MGAT5: variants seen among roughly 807,000 people sequenced by gnomAD.
MGAT5 encodes alpha-1,6-mannosylglycoprotein 6-beta-N-acetylglucosaminyltransferase.
In MGAT5, 30 loss-of-function variants were observed where a neutral mutation model predicts 94.3. The ratio of observed to expected loss-of-function variants is 0.32; its 90% confidence interval spans 0.24 to 0.43. The LOEUF (loss-of-function observed/expected upper bound fraction) is 0.43. MGAT5 is among the 20% of genes least tolerant of loss of function. MGAT5 has a pLI of 1.00. For missense variants in MGAT5, 691 were observed against 905.5 expected (o/e 0.76, Z 3.04); for synonymous variants, 310 against 322.9 (o/e 0.96, Z 0.43).
intron 1 of MGAT5, among the ~76,000 whole-genome samples, chr2:134,137,656 C>T (rs764992065): frequency 3.8e-4 from 58 of 152,006 alleles, no homozygotes; most frequent in Non-Finnish European, 7.1e-4. Flanking sequence ...CTCGGATAAC[C>T]ATATGAAAAG....
At chr2:134,283,786 G>C (rs1684848697) in intron 2 of MGAT5, among the ~76,000 whole-genome samples, 1 of 151,192 alleles carries the variant, frequency 6.6e-6, no homozygotes, top group Admixed American at 6.6e-5. Context: ...GACTTAAGCT[G>C]GGTCCTGTTC....
chr2:134,254,634 G>T lies in MGAT5; in HGVS notation c.231G>T (p.Met77Ile), dbSNP rs1682817997. Residue 77 changes from methionine (M) to isoleucine (I), a missense_variant, in exon 1 of 16, where the codon ATG becomes ATT. Transcript: ENST00000281923. ...NVVDGPYAGV[M>I]TAYDLKKTLA... Reference sequence around the variant, plus strand: ...TGGATGGGCCATACGCTGGAGTCATGACAGCTTATGGTAAGCACTGTTTCT... The same window carrying T: ...TGGATGGGCCATACGCTGGAGTCATTACAGCTTATGGTAAGCACTGTTTCT... 1 of 1,614,090 alleles carries T rather than the reference G, an allele frequency of 6.2e-7. No homozygotes were observed. Among genetic ancestry groups the T allele is most frequent in the African/African-American group, 1.3e-5 (1 of 74,952 alleles).
At chr2:134,406,688 C>G (rs1257376859) in intron 11 of MGAT5, among the ~76,000 whole-genome samples, 1 of 151,332 alleles carries the variant, frequency 6.6e-6, no homozygotes, top group East Asian at 1.9e-4. Flanking sequence ...AGTTCAAGAC[C>G]AGCCTGGGCA....
At chr2:134,335,000 C>T (rs539344609) in intron 4 of MGAT5, among the ~76,000 whole-genome samples, 1 of 152,276 alleles carries the variant, frequency 6.6e-6, no homozygotes, top group Non-Finnish European at 1.5e-5. Flanking sequence ...CGCCCTCTCC[C>T]CAAGCTTTGC....
intron 1 of MGAT5, among the ~76,000 whole-genome samples, chr2:134,191,914 C>T (rs909806059): frequency 6.9e-6 from 1 of 145,266 alleles, no homozygotes; most frequent in African/African-American, 2.6e-5. Context: ...CTGCTCACGC[C>T]AGCGGCTTCC....
chr2:134,188,751 C>G (rs1381027229), intron 1 of MGAT5, among the ~76,000 whole-genome samples: 1 of 140,914 alleles, frequency 7.1e-6, no homozygotes, highest in Admixed American at 7.3e-5. Context: ...CAGACCCCAT[C>G]AGTTAAAGGG....
chr2:134,432,338 G>T (rs3828183), intron 14 of MGAT5, among the ~76,000 whole-genome samples: 34,439 of 152,104 alleles, frequency 0.23, 5,808 homozygotes, highest in African/African-American at 0.46. Context: ...TCTGGAGAGA[G>T]GGAGGGTAAA....
chr2:134,408,819 G>A (rs1023758603), intron 11 of MGAT5, among the ~76,000 whole-genome samples: 13 of 152,160 alleles, frequency 8.5e-5, no homozygotes, highest in African/African-American at 2.9e-4. Context: ...CCTTGTCTGG[G>A]TTATTTTTAA....
rs1411071749 is a variant in MGAT5, at chr2:134,243,473, G to GT, written c.-142-10788dup. Among the ~76,000 whole-genome samples, 3 of 152,232 alleles carry GT rather than the reference G, an allele frequency of 2.0e-5. No homozygotes were observed. In the East Asian group the frequency reaches 5.8e-4, roughly 29 times the overall value. ...GCAGTGTTTGGGAGAGTTGACCTTG[G>GT]TGTATACATTAAGGAACTAGTGAAC... On this transcript the variant is annotated intron_variant, in intron 1 of 16. Coordinates refer to the MGAT5 transcript ENST00000409645.
At chr2:134,262,603 C>G (rs529839356) in intron 1 of MGAT5, among the ~76,000 whole-genome samples, 1 of 152,360 alleles carries the variant, frequency 6.6e-6, no homozygotes, top group African/African-American at 2.4e-5. Flanking sequence ...CCAGGCTGGT[C>G]TCAAACTCCT....
At chr2:134,354,541 T>C (rs1679602000) in intron 9 of MGAT5, among the ~76,000 whole-genome samples, 1 of 152,208 alleles carries the variant, frequency 6.6e-6, no homozygotes, top group Non-Finnish European at 1.5e-5. Flanking sequence ...AGGCTCCTTC[T>C]GTTTCTCCTC....
intron 1 of MGAT5, among the ~76,000 whole-genome samples, chr2:134,145,220 G>C (rs1482858592): frequency 1.5e-3 from 231 of 149,744 alleles, no homozygotes; most frequent in Middle Eastern, 6.8e-3. Context: ...CTCTCTGTGT[G>C]TGTGTGTGTG....
intron 1 of MGAT5, among the ~76,000 whole-genome samples, chr2:134,218,145 A>G (rs1418522706): frequency 6.6e-6 from 1 of 152,184 alleles, no homozygotes; most frequent in African/African-American, 2.4e-5. Flanking sequence ...CACTAACTTA[A>G]TCACTTGCAA....
intron 1 of MGAT5, among the ~76,000 whole-genome samples, chr2:134,174,434 G>A (rs150993330): frequency 2.0e-5 from 3 of 152,392 alleles, no homozygotes; most frequent in South Asian, 4.1e-4. Flanking sequence ...TATGCCATGC[G>A]TGGCTAGTGC....
intron 14 of MGAT5, among the ~76,000 whole-genome samples, chr2:134,435,673 C>A (rs990806841): frequency 6.6e-6 from 1 of 152,098 alleles, no homozygotes; most frequent in Non-Finnish European, 1.5e-5. Flanking sequence ...TTGTGTCAGG[C>A]GCTTTTCTGA....
At position 134,268,272 on chromosome 2, in the gene MGAT5, G is replaced by A. The variant is rs944151572; in HGVS notation, c.242-2114G>A. On this transcript the variant is annotated intron_variant, in intron 1 of 15. Coordinates refer to ENST00000281923, the MANE Select transcript of MGAT5 (RefSeq NM_002410.5). The surrounding 1 kb of genome is among the most constrained non-coding windows in gnomAD (Gnocchi z 4.1). ...TTAAATGCTATTCTAGATTGTATTC[G>A]GATTCTAGCTGGCTGATGACACAGG... Among the ~76,000 whole-genome samples the A allele has an allele frequency of 6.6e-6, 1 of 152,158 alleles. No individual in the cohort carries two copies. The highest frequency in any genetic ancestry group is 2.4e-5 in the African/African-American group (1 of 41,440).
Position 134,313,295 on chromosome 2 carries a change from A to G in MGAT5, c.407-4234A>G, listed in dbSNP as rs190933013. Reference sequence around the variant, plus strand: ...TGCTGCTTCTGCTCCTGCAGTGTGTATGTTCCTCCTGAATCTTAAGCATTT... The same window carrying G: ...TGCTGCTTCTGCTCCTGCAGTGTGTGTGTTCCTCCTGAATCTTAAGCATTT... On this transcript the variant is annotated intron_variant, in intron 2 of 15. Transcript: ENST00000281923. 2.6e-4 allele frequency among the ~76,000 whole-genome samples: 40 copies of G among 152,180 alleles called. 1 individual carries two copies. The highest frequency in any genetic ancestry group is 2.5e-3 in the Admixed American group (38 of 15,286).
chr2:134,377,544 A>G (rs1206089604), intron 10 of MGAT5, among the ~76,000 whole-genome samples: 6 of 152,236 alleles, frequency 3.9e-5, no homozygotes, highest in African/African-American at 7.2e-5. Flanking sequence ...ACATGATTCT[A>G]GTAACAAGGT....
Position 134,362,291 on chromosome 2 carries a change from C to T in MGAT5, c.1263C>T (p.Asn421=). ...GCACACCAGCTCATACCCCAGACAACAGCTTTCTGGGGTTTGTGGTTGAGC... is the reference window on the plus strand; with the variant it reads ...GCACACCAGCTCATACCCCAGACAATAGCTTTCTGGGGTTTGTGGTTGAGC... The part of the protein sequence containing the change: ...FYTMFPHTPD[N]SFLGFVVEQH... The change falls in exon 10 of 16, where the codon AAC becomes AAT. Residue 421 remains asparagine, a synonymous_variant. Coordinates refer to ENST00000281923, the MANE Select transcript of MGAT5 (RefSeq NM_002410.5). The T allele has an allele frequency of 1.2e-6, 2 of 1,613,860 alleles. No homozygotes were observed. The highest frequency in any genetic ancestry group is 1.1e-5 in the South Asian group (1 of 91,054).
Sources: allele counts gnomAD v4.1 joint callset (sites outside exome capture counted in the v4.1 genomes callset), GRCh38; gene constraint gnomAD v4.1.1; non-coding constraint Gnocchi (gnomAD v3.1); transcripts MANE v1.5; gene names NCBI Gene and HGNC (gene_info 2026-07-23, HGNC 2026-07-21).